BIRC6: variants seen among roughly 807,000 people sequenced by gnomAD.
BIRC6 encodes baculoviral IAP repeat containing 6.
A neutral mutation model predicts 503.3 loss-of-function variants in BIRC6; 98 were observed. That is an observed-to-expected ratio of 0.19 (90% CI 0.17 to 0.23). BIRC6 has a LOEUF of 0.23. Ranked by LOEUF, BIRC6 falls within the 10% of genes least tolerant of loss-of-function variation. BIRC6 has a pLI of 1.00. For synonymous variants in BIRC6, 2,240 were observed against 2,078.7 expected, an observed-to-expected ratio of 1.08 and a Z score of -2.11; for missense variants, 5,360 against 5,806.0, an observed-to-expected ratio of 0.92 and a Z score of 2.50.
chr2:32,400,689 T>G (rs1478606074), intron 6 of BIRC6, among the ~76,000 whole-genome samples: 1 of 152,176 alleles, frequency 6.6e-6, no homozygotes. Flanking sequence ...AGTAAAATAT[T>G]TAGTAAAATA....
chr2:32,526,395 T>C (rs1396398392), intron 59 of BIRC6: 1 of 152,170 alleles, frequency 6.6e-6, no homozygotes, highest in Non-Finnish European at 1.5e-5. Flanking sequence ...TTTTGCTCTG[T>C]GGTGTTGGAA....
intron 63 of BIRC6, among the ~76,000 whole-genome samples, chr2:32,546,580 C>T (rs1178533175): frequency 6.9e-6 from 1 of 144,348 alleles, no homozygotes; most frequent in Non-Finnish European, 1.5e-5. Flanking sequence ...AACTGTGTCT[C>T]AAAAAGAAAA....
intron 1 of BIRC6, among the ~76,000 whole-genome samples, chr2:32,364,330 C>T (rs1051675000): frequency 1.3e-5 from 2 of 152,098 alleles, no homozygotes; most frequent in African/African-American, 4.8e-5. Context: ...GTCTCTGCCT[C>T]CCGGGTTCAA....
chr2:32,614,747 G>A (rs921326690), intron 73 of BIRC6, among the ~76,000 whole-genome samples: 2 of 152,164 alleles, frequency 1.3e-5, no homozygotes, highest in Non-Finnish European at 2.9e-5. Flanking sequence ...CAGGAAAATC[G>A]CCTGAACCCG....
chr2:32,444,816 G>A (rs1005557991), intron 20 of BIRC6, among the ~76,000 whole-genome samples: 5 of 152,174 alleles, frequency 3.3e-5, no homozygotes, highest in Non-Finnish European at 5.9e-5. Context: ...TTTAGGTAAA[G>A]CGTGTTTATA....
chr2:32,414,969 C>G lies in BIRC6; in HGVS notation c.1678C>G (p.His560Asp). 1.9e-6 allele frequency: 3 copies of G among 1,613,954 alleles called. No individual in the cohort carries two copies. The highest frequency in any genetic ancestry group is 2.5e-6 in the Non-Finnish European group (3 of 1,179,880). The part of the protein sequence containing the change: ...EKTKEKHQEQ[H>D]NIPFPCLLAG... ...GACAAAGGAAAAGCACCAGGAGCAACACAACATTCCTTTTCCATGTTTATT... is the reference window on the plus strand; with the variant it reads ...GACAAAGGAAAAGCACCAGGAGCAAGACAACATTCCTTTTCCATGTTTATT... Residue 560 changes from histidine (H) to aspartate (D), a missense_variant, in exon 10 of 74, where the codon CAC (histidine) becomes GAC (aspartate). This residue lies in a region of BIRC6 where 700 missense variants were observed against 739.3 expected (regional missense o/e 0.95). Transcript: ENST00000421745.
rs2056737863 is a variant in BIRC6, at chr2:32,531,344, T to A, written c.12095-11T>A. 2 of 1,593,684 alleles carry A rather than the reference T, an allele frequency of 1.3e-6. No individual in the cohort carries two copies. Among genetic ancestry groups the A allele is most frequent in the Non-Finnish European group, 1.7e-6 (2 of 1,169,074 alleles). On this transcript the variant is annotated splice_polypyrimidine_tract_variant and intron_variant, in intron 60 of 73. Coordinates refer to ENST00000421745, the MANE Select transcript of BIRC6 (RefSeq NM_016252.4). The stretch of plus-strand genomic sequence containing the variant: ...TCTTACCTATTCAGTTATTTGTAAT[T>A]TATTGTCTAGATCATGGAGACTTAC...
At chr2:32,481,483 G>T in intron 38 of BIRC6, 30 bp downstream of exon 38, 1 of 1,551,348 alleles carries the variant, frequency 6.4e-7, no homozygotes, top group Non-Finnish European at 8.7e-7. Context: ...TCTTTGAAAG[G>T]AGGCCGGGCG....
At chr2:32,617,588 G>A (rs1438259198) in intron 73 of BIRC6, 137 bp from the exon 74 acceptor site, 2 of 876,318 alleles carry the variant, frequency 2.3e-6, no homozygotes, top group African/African-American at 3.4e-5. Context: ...GCCTGTAACA[G>A]TAGCTTGCAT....
At chr2:32,497,516 A>T (rs144362660) in intron 45 of BIRC6, among the ~76,000 whole-genome samples, 2 of 152,278 alleles carry the variant, frequency 1.3e-5, no homozygotes, top group East Asian at 3.9e-4. Context: ...TTTGCCCCAA[A>T]AATTTTCAAC....
intron 23 of BIRC6, among the ~76,000 whole-genome samples, chr2:32,456,957 GT>G (rs977284422): frequency 1.2e-4 from 19 of 152,008 alleles, no homozygotes; most frequent in African/African-American, 4.6e-4. Context: ...TTGAGATGGG[GT>G]CTTGCTATGT....
Position 32,468,780 on chromosome 2 carries a change from A to G in BIRC6, c.6124A>G (p.Asn2042Asp), listed in dbSNP as rs758886165. 6.3e-7 allele frequency: 1 copy of G among 1,586,050 alleles called. No homozygotes were observed. The highest frequency in any genetic ancestry group is 8.6e-7 in the Non-Finnish European group (1 of 1,161,080). ...DTLLSLLHAS[N>D]GHSVPAVLQS... Reference sequence around the variant, plus strand: ...TTTGCTCAGCCTGCTTCATGCTTCTAATGGTTTGTATTTGGCTTACATATT... The same window carrying G: ...TTTGCTCAGCCTGCTTCATGCTTCTGATGGTTTGTATTTGGCTTACATATT... The change falls in exon 29 of 74, where the codon AAT becomes GAT. Residue 2042 changes from asparagine (N) to aspartate (D), a missense_variant. Physicochemically the swap from Asn to Asp is conservative, Grantham distance 23. Transcript: ENST00000421745.
intron 66 of BIRC6, among the ~76,000 whole-genome samples, chr2:32,585,568 C>T (rs938651795): frequency 6.6e-6 from 1 of 152,086 alleles, no homozygotes; most frequent in African/African-American, 2.4e-5. Flanking sequence ...TTTGTAGAGA[C>T]AGGATTTTGC....
chr2:32,461,602 TA>T (rs143531363), intron 23 of BIRC6, among the ~76,000 whole-genome samples: 4,036 of 151,856 alleles, frequency 0.027, 99 homozygotes, highest in African/African-American at 0.07. Flanking sequence ...TTTTTTTTTT[TA>T]ACATAAGGAA....
intron 57 of BIRC6, 90 bp downstream of exon 57, chr2:32,519,036 C>G: frequency 7.8e-7 from 1 of 1,281,706 alleles, no homozygotes; most frequent in Non-Finnish European, 1.1e-6. Context: ...TTTCTGCATC[C>G]ACTTTGCAAC....
At chr2:32,493,697 A>G (rs895736711) in intron 45 of BIRC6, 30 bp downstream of exon 45, 2 of 1,507,124 alleles carry the variant, frequency 1.3e-6, no homozygotes, top group Non-Finnish European at 1.8e-6. Context: ...TTTGTTCCTG[A>G]TATAGAAGTA....
Position 32,515,036 on chromosome 2 carries a change from A to G in BIRC6, c.10615A>G (p.Lys3539Glu). 1 of 1,613,874 alleles carries G rather than the reference A, an allele frequency of 6.2e-7. No homozygotes were observed. The highest frequency in any genetic ancestry group is 8.5e-7 in the Non-Finnish European group (1 of 1,179,848). Residue 3539 changes from lysine to glutamate, a missense_variant, in exon 55 of 74, where the codon AAG (lysine) becomes GAG (glutamate). Lys to Glu is a moderately conservative substitution (Grantham distance 56). Coordinates refer to ENST00000421745, the MANE Select transcript of BIRC6 (RefSeq NM_016252.4). The stretch of plus-strand genomic sequence containing the variant: ...GTCTCTTCCCTGCAATATGGTTTTG[A>G]AGAAAGCTGTTGACAGTCTACTTTG... ...SMSLPCNMVL[K>E]KAVDSLLCSM...
chr2:32,513,271 C>G (rs2054621287), intron 54 of BIRC6, 117 bp downstream of exon 54: 3 of 685,090 alleles, frequency 4.4e-6, no homozygotes, highest in Admixed American at 6.0e-5. Flanking sequence ...TTGAAAGTAG[C>G]AAATATAATC....
intron 73 of BIRC6, among the ~76,000 whole-genome samples, chr2:32,614,302 C>T (rs2063089647): frequency 6.6e-6 from 1 of 152,174 alleles, no homozygotes; most frequent in South Asian, 2.1e-4. Flanking sequence ...CTCCCCCTTT[C>T]AGTTCCTTCT....
Sources: allele counts gnomAD v4.1 joint callset (sites outside exome capture counted in the v4.1 genomes callset), GRCh38; gene constraint gnomAD v4.1.1; regional missense constraint gnomAD v4.1.1; transcripts MANE v1.5; gene names NCBI Gene and HGNC (gene_info 2026-07-23, HGNC 2026-07-21).